NEGR1: variants seen among roughly 807,000 people sequenced by gnomAD.
NEGR1 encodes IgLON family member 4.
A neutral mutation model predicts 40.9 loss-of-function variants in NEGR1; 10 were observed. That is an observed-to-expected ratio of 0.24 (90% CI 0.15 to 0.42). The LOEUF is 0.42. NEGR1 is among the 10% of genes least tolerant of loss of function. The pLI is 1.00. For missense variants in NEGR1, 352 were observed against 438.9 expected (o/e 0.80, Z 1.77); for synonymous variants, 185 against 166.8 (o/e 1.11, Z -0.84).
At chr1:72,194,053 T>C (rs529906483) in intron 1 of NEGR1, among the ~76,000 whole-genome samples, 14 of 151,882 alleles carry the variant, frequency 9.2e-5, no homozygotes, top group Non-Finnish European at 1.9e-4. Context: ...GTAAATTTTT[T>C]AGAATTATTA....
At chr1:71,719,082 C>T (rs937127688) in intron 3 of NEGR1, among the ~76,000 whole-genome samples, 2 of 152,166 alleles carry the variant, frequency 1.3e-5, no homozygotes, top group East Asian at 3.9e-4. Context: ...AATTGTGTCA[C>T]TCTCTGGGGA....
intron 2 of NEGR1, among the ~76,000 whole-genome samples, chr1:71,888,144 T>C (rs1363769999): frequency 6.6e-6 from 1 of 152,028 alleles, no homozygotes; most frequent in Non-Finnish European, 1.5e-5. Context: ...CTCTATTTTA[T>C]TTTTTTTCTT....
At chr1:72,065,767 T>C (rs1647257569) in intron 1 of NEGR1, among the ~76,000 whole-genome samples, 1 of 152,144 alleles carries the variant, frequency 6.6e-6, no homozygotes, top group African/African-American at 2.4e-5. Context: ...TTTGCATTAA[T>C]CAATGCTCTA....
chr1:71,808,658 G>A (rs1657868270), intron 2 of NEGR1, among the ~76,000 whole-genome samples: 1 of 151,962 alleles, frequency 6.6e-6, no homozygotes, highest in Non-Finnish European at 1.5e-5. Context: ...TACTAGTTCT[G>A]AAAGCAGTAA....
rs575464058 is a variant in NEGR1, at chr1:71,531,121, C to T, written c.940+61696G>A. Among the ~76,000 whole-genome samples, 51 of 151,312 alleles carry T rather than the reference C, an allele frequency of 3.4e-4. 1 individual carries two copies. The highest frequency in any genetic ancestry group is 1.3e-3 in the Admixed American group (19 of 15,134). On this transcript the variant is annotated intron_variant, in intron 6 of 6. Transcript: ENST00000357731. ...TTGAATTTTTTTCTAAGAAGCCCAA[C>T]CATGGAAAGATCTTTTGATATAAAT...
In NEGR1 at chr1:72,247,620, C is replaced by T. The variant is rs1281053337; in HGVS notation, c.176+34699G>A. 2.0e-5 allele frequency among the ~76,000 whole-genome samples: 3 copies of T among 152,148 alleles called. No homozygotes were observed. In the East Asian group the frequency reaches 5.8e-4, roughly 29 times the overall value. ...GACCTCACCATCTTGGTCTTCATGT[C>T]CATATTTCTATCAGCATTTTGGTCA... On this transcript the variant is annotated intron_variant, in intron 1 of 6. Transcript: ENST00000357731.
intron 1 of NEGR1, among the ~76,000 whole-genome samples, chr1:72,063,198 C>A (rs1185522594): frequency 6.6e-6 from 1 of 151,808 alleles, no homozygotes; most frequent in Non-Finnish European, 1.5e-5. Context: ...GATAATCTAT[C>A]ATTGCACTGA....
chr1:71,499,018 C>A (rs575200631), intron 6 of NEGR1, among the ~76,000 whole-genome samples: 1 of 152,250 alleles, frequency 6.6e-6, no homozygotes, highest in African/African-American at 2.4e-5. Flanking sequence ...TCTGAGGCAG[C>A]AAGACACATA....
intron 3 of NEGR1, among the ~76,000 whole-genome samples, chr1:71,765,958 G>A (rs530789132): frequency 2.9e-4 from 44 of 152,218 alleles, no homozygotes; most frequent in African/African-American, 1.0e-3. Flanking sequence ...GGCAGATCAT[G>A]AGGTCAGGAG....
chr1:71,826,356 C>T (rs865777272), intron 2 of NEGR1, among the ~76,000 whole-genome samples: 2 of 151,860 alleles, frequency 1.3e-5, no homozygotes, highest in African/African-American at 2.4e-5. Flanking sequence ...ACCACAATAA[C>T]CATGATTCTA....
chr1:71,505,812 A>G (rs1263607585), intron 6 of NEGR1, among the ~76,000 whole-genome samples: 3 of 152,168 alleles, frequency 2.0e-5, no homozygotes, highest in African/African-American at 7.2e-5. Flanking sequence ...AAAGTCCTGG[A>G]TGAATTCCAA....
chr1:72,118,789 T>C (rs994057751), intron 1 of NEGR1, among the ~76,000 whole-genome samples: 4 of 152,022 alleles, frequency 2.6e-5, no homozygotes, highest in Admixed American at 2.0e-4. Context: ...ATAAATAACT[T>C]CTATAAATAA....
At chr1:71,910,598 A>C (rs1661398402) in intron 2 of NEGR1, among the ~76,000 whole-genome samples, 1 of 152,192 alleles carries the variant, frequency 6.6e-6, no homozygotes, top group African/African-American at 2.4e-5. Flanking sequence ...TAATAAGTAA[A>C]ATTCCATTCA....
At chr1:71,718,618 T>C (rs1654353279) in intron 3 of NEGR1, among the ~76,000 whole-genome samples, 1 of 152,232 alleles carries the variant, frequency 6.6e-6, no homozygotes, top group African/African-American at 2.4e-5. Context: ...ACATCAGTTG[T>C]TGACTTTTTA....
intron 2 of NEGR1, among the ~76,000 whole-genome samples, chr1:71,820,926 A>G (rs1472169107): frequency 6.6e-6 from 1 of 152,018 alleles, no homozygotes; most frequent in African/African-American, 2.4e-5. Context: ...TGGATTCTGA[A>G]AGATAACTAC....
chr1:71,703,891 A>G (rs1189226457), intron 3 of NEGR1, among the ~76,000 whole-genome samples: 1 of 151,958 alleles, frequency 6.6e-6, no homozygotes, highest in Non-Finnish European at 1.5e-5. Flanking sequence ...TAAGAAATAA[A>G]GGTTGAATGG....
intron 1 of NEGR1, among the ~76,000 whole-genome samples, chr1:72,143,907 T>TGTATATG (rs1650789145): frequency 1.7e-5 from 1 of 60,464 alleles, no homozygotes; most frequent in Non-Finnish European, 3.2e-5. Context: ...ATATATATGA[T>TGTATATG]ATATATAATA....
intron 1 of NEGR1, among the ~76,000 whole-genome samples, chr1:72,038,405 T>C (rs1029852335): frequency 6.6e-6 from 1 of 152,058 alleles, no homozygotes; most frequent in African/African-American, 2.4e-5. Flanking sequence ...TCTTCCACCA[T>C]GCCATGATGT....
intron 4 of NEGR1, among the ~76,000 whole-genome samples, chr1:71,612,092 G>C (rs942200349): frequency 6.6e-6 from 1 of 152,096 alleles, no homozygotes; most frequent in Non-Finnish European, 1.5e-5. Context: ...CATGGTGGTG[G>C]GCACCTGTAG....
Sources: allele counts gnomAD v4.1 joint callset (sites outside exome capture counted in the v4.1 genomes callset), GRCh38; gene constraint gnomAD v4.1.1; transcripts MANE v1.5; gene names NCBI Gene and HGNC (gene_info 2026-07-23, HGNC 2026-07-21).